PTCD3: variants seen among roughly 807,000 people sequenced by gnomAD.
The protein encoded by PTCD3 is small ribosomal subunit protein mS39.
Under a neutral mutation model 101.9 loss-of-function variants are expected in PTCD3, and 89 were observed. That is an observed-to-expected ratio of 0.87 (90% CI 0.74 to 1.04). The LOEUF (loss-of-function observed/expected upper bound fraction) is 1.04, where lower values mean the gene tolerates loss of function less well. Ranked by LOEUF, PTCD3 falls within the 50% of genes least tolerant of loss-of-function variation. The pLI is 0.00. For missense variants in PTCD3, 870 were observed against 828.2 expected, an observed-to-expected ratio of 1.05 and a Z score of -0.62; for synonymous variants, 296 against 278.5, an observed-to-expected ratio of 1.06 and a Z score of -0.63.
chr2:86,132,816 A>AT (rs1201981524), intron 17 of PTCD3: 1 of 319,792 alleles, frequency 3.1e-6, no homozygotes, highest in African/African-American at 2.1e-5. Context: ...TTTTAGGCAG[A>AT]TAAGAACATG....
Position 86,127,926 on chromosome 2 carries a change from A to G in PTCD3, c.1097-15A>G, listed in dbSNP as rs777791143. 8.1e-6 allele frequency: 13 copies of G among 1,599,738 alleles called. No homozygotes were observed. In the Admixed American group the frequency reaches 2.0e-4, roughly 25 times the overall value. On this transcript the variant is annotated splice_polypyrimidine_tract_variant and intron_variant, in intron 13 of 23. Transcript: ENST00000254630. ...ACCTCATTGTTTATTTTTTCTGTCT[A>G]CCTGGTAATTTGAGAACCCTCGCTT...
At chr2:86,116,460 C>A in intron 4 of PTCD3, 70 bp from the exon 5 acceptor site, 1 of 1,251,048 alleles carries the variant, frequency 8.0e-7, no homozygotes, top group Non-Finnish European at 1.2e-6. Flanking sequence ...TCCCTTGAGT[C>A]CAGGAGCTAA....
intron 4 of PTCD3, among the ~76,000 whole-genome samples, chr2:86,115,675 C>T (rs1003504718): frequency 1.3e-5 from 2 of 151,994 alleles, no homozygotes; most frequent in African/African-American, 2.4e-5. Context: ...AATAAAGGCC[C>T]AAGTAAGGCA....
intron 14 of PTCD3, among the ~76,000 whole-genome samples, chr2:86,130,023 C>T (rs1031496638): frequency 2.6e-5 from 4 of 152,134 alleles, no homozygotes; most frequent in Non-Finnish European, 4.4e-5. Flanking sequence ...CATTTTTAGC[C>T]GGGTGCAGTG....
intron 16 of PTCD3, 149 bp downstream of exon 16, chr2:86,131,255 TTTTC>T (rs1573857664): frequency 3.0e-6 from 2 of 668,336 alleles, no homozygotes; most frequent in East Asian, 6.8e-5. Flanking sequence ...ATAATTTTTT[TTTTC>T]TTTGAGATGG....
In PTCD3 at chr2:86,108,523, A is replaced by C; in HGVS notation, c.181A>C (p.Lys61Gln). The C allele has an allele frequency of 6.3e-7, 1 of 1,596,044 alleles. No homozygotes were observed. Residue 61 changes from lysine (K) to glutamine (Q), a missense_variant, in exon 3 of 24, where the codon AAA becomes CAA. Lys to Gln is a moderately conservative substitution (Grantham distance 53). Coordinates refer to ENST00000254630, the MANE Select transcript of PTCD3 (RefSeq NM_017952.6). The part of the protein sequence containing the change: ...VTGIEEVVIP[K>Q]KKTWDKVAVL... ...AGGGATTGAAGAAGTAGTAATTCCAAAAAAGAAAACTTGGTAAGTATTCTA... is the reference window on the plus strand; with the variant it reads ...AGGGATTGAAGAAGTAGTAATTCCACAAAAGAAAACTTGGTAAGTATTCTA...
At chr2:86,130,530 A>C in intron 14 of PTCD3, 118 bp from the exon 15 acceptor site, 1 of 1,464,000 alleles carries the variant, frequency 6.8e-7, no homozygotes, top group Non-Finnish European at 9.1e-7. Flanking sequence ...ACCCAGATCT[A>C]TGCGAGGACT....
chr2:86,108,445 G>C, intron 2 of PTCD3, 43 bp downstream of exon 2: 1 of 1,591,566 alleles, frequency 6.3e-7, no homozygotes, highest in African/African-American at 1.4e-5. Flanking sequence ...ATATCAACAC[G>C]TTGGATTCCA....
chr2:86,133,121 C>G, intron 17 of PTCD3, 57 bp from the exon 18 acceptor site: 1 of 1,574,076 alleles, frequency 6.4e-7, no homozygotes, highest in Non-Finnish European at 8.6e-7. Flanking sequence ...ACCCTTATTT[C>G]CCCTGTTGTT....
Position 86,116,596 on chromosome 2 carries a change from T to C in PTCD3, c.307T>C (p.Ser103Pro), listed in dbSNP as rs1674182748. The change falls in exon 5 of 24, where the codon TCT becomes CCT. Residue 103 changes from serine to proline, a missense_variant and splice_region_variant. Coordinates refer to ENST00000254630, the MANE Select transcript of PTCD3 (RefSeq NM_017952.6). Reference protein sequence around the residue: ...PYLMPASSLESRSFLLAKKSG... With the variant: ...PYLMPASSLEPRSFLLAKKSG... Reference sequence around the variant, plus strand: ...CCTTATGCCAGCATCATCTTTGGAATCTGTGAGTATTTTCATATAATTTTC... The same window carrying C: ...CCTTATGCCAGCATCATCTTTGGAACCTGTGAGTATTTTCATATAATTTTC... 1 of 1,601,150 alleles carries C rather than the reference T, an allele frequency of 6.2e-7. No homozygotes were observed. The highest frequency in any genetic ancestry group is 1.7e-5 in the Admixed American group (1 of 59,992).
At chr2:86,120,026 T>C (rs1674254003) in intron 7 of PTCD3, among the ~76,000 whole-genome samples, 1 of 152,222 alleles carries the variant, frequency 6.6e-6, no homozygotes, top group African/African-American at 2.4e-5. Context: ...ACTGAATCAT[T>C]ATACACTTGA....
At chr2:86,135,105 C>G (rs753623787) in intron 21 of PTCD3, 118 bp downstream of exon 21, 2 of 1,236,676 alleles carry the variant, frequency 1.6e-6, no homozygotes, top group Non-Finnish European at 2.2e-6. Flanking sequence ...GATTCGGGAA[C>G]TTGCAAATAC....
Position 86,135,072 on chromosome 2 carries a change from AT to A in PTCD3, c.1778+88del, listed in dbSNP as rs1367475717. ...GGCCCACGCTGGTAGAGGTTCTTTCATTTGGCCACATAACACGTATTTGATT... is the reference window on the plus strand; with the variant it reads ...GGCCCACGCTGGTAGAGGTTCTTTCATTGGCCACATAACACGTATTTGATT... On this transcript the variant is annotated intron_variant, in intron 21 of 23. Transcript: ENST00000254630. 15 of 1,441,790 alleles carry A rather than the reference AT, an allele frequency of 1.0e-5. No individual in the cohort carries two copies. The African/African-American group carries it at 1.7e-4, about 16-fold the overall frequency. 89.3% of individuals were successfully genotyped at this position (1,441,790 alleles called of 1,614,324 possible). A position where few individuals can be genotyped will look rare whatever the true frequency, so the allele number is the denominator to read the frequency against.
chr2:86,133,447 C>G lies in PTCD3; in HGVS notation c.1543+11C>G, dbSNP rs759066062. 4 of 1,592,978 alleles carry G rather than the reference C, an allele frequency of 2.5e-6. No individual in the cohort carries two copies. Among genetic ancestry groups the G allele is most frequent in the Admixed American group, 1.7e-5 (1 of 59,926 alleles). On this transcript the variant is annotated intron_variant, in intron 19 of 23. Coordinates refer to ENST00000254630, the MANE Select transcript of PTCD3 (RefSeq NM_017952.6). ...CTAAAATTTGGAAAGGTCAGTTTTA[C>G]TTTTTATGTGTCCAGGTGCATCTCA...
chr2:86,134,953 C>T lies in PTCD3; in HGVS notation c.1744C>T (p.Leu582Phe), dbSNP rs1674557463. 1.2e-6 allele frequency: 2 copies of T among 1,614,158 alleles called. No homozygotes were observed. The highest frequency in any genetic ancestry group is 1.7e-6 in the Non-Finnish European group (2 of 1,180,004). Residue 582 changes from leucine (L) to phenylalanine (F), a missense_variant, in exon 21 of 24, where the codon CTC becomes TTC. By Grantham distance (22) the Leu-to-Phe change is conservative. Transcript: ENST00000254630. The part of the protein sequence containing the change: ...PATSLNCIAI[L>F]FLRAGRTQEA... The stretch of plus-strand genomic sequence containing the variant: ...CACCTCTCTCAACTGTATAGCTATC[C>T]TCTTTTTAAGGGCTGGGAGAACTCA...
chr2:86,125,749 G>A (rs962238319), intron 11 of PTCD3, 46 bp from the exon 12 acceptor site: 1 of 1,412,338 alleles, frequency 7.1e-7, no homozygotes, highest in Non-Finnish European at 9.9e-7. Context: ...CAGCCATTTA[G>A]GGATTAATCT....
intron 4 of PTCD3, among the ~76,000 whole-genome samples, chr2:86,113,934 A>G (rs1674133130): frequency 1.3e-5 from 2 of 152,200 alleles, no homozygotes; most frequent in South Asian, 2.1e-4. Context: ...CTTGCAAAGC[A>G]TTGAGATTTT....
In PTCD3 at chr2:86,118,995, C is replaced by T. The variant is rs148813034; in HGVS notation, c.489C>T (p.Leu163=). ...CCGCCCTGAAGGAACGAATTGAGCT[C>T]AGAAAAGTCAAAGCCTCTGTGGACA... is the stretch of plus-strand genomic sequence containing the variant. The part of the protein sequence containing the change: ...SEAALKERIE[L]RKVKASVDMF... Residue 163 remains leucine (L), a synonymous_variant, in exon 7 of 24, where the codon CTC becomes CTT. Transcript: ENST00000254630. 2.5e-5 allele frequency: 40 copies of T among 1,614,112 alleles called. No homozygotes were observed. The highest frequency in any genetic ancestry group is 1.5e-4 in the Admixed American group (9 of 60,008).
In PTCD3 at chr2:86,108,418, T is replaced by C. The variant is rs959697590; in HGVS notation, c.157+16T>C. 2 of 1,597,670 alleles carry C rather than the reference T, an allele frequency of 1.3e-6. No homozygotes were observed. Among genetic ancestry groups the C allele is most frequent in the Non-Finnish European group, 1.7e-6 (2 of 1,174,244 alleles). ...GATGTAACAGGTATATTTTAAAATA[T>C]ATTGAATTCTATTTTTATATCAACA... On this transcript the variant is annotated intron_variant, in intron 2 of 23. Transcript: ENST00000254630.
Sources: gnomAD v4.1 joint callset for allele counts (sites outside exome capture counted in the v4.1 genomes callset) on GRCh38, gnomAD v4.1.1 for gene constraint, MANE v1.5 for transcripts, NCBI Gene and HGNC (gene_info 2026-07-23, HGNC 2026-07-21) for gene names.